MAP7: variants seen among roughly 807,000 people sequenced by gnomAD.
The protein encoded by MAP7 is ensconsin.
Under a neutral mutation model 94.8 loss-of-function variants are expected in MAP7, and 52 were observed. That is an observed-to-expected ratio of 0.55 (90% confidence interval 0.44 to 0.69). The LOEUF is 0.69. MAP7 is among the 30% of genes least tolerant of loss of function. The pLI is 0.00. For synonymous variants in MAP7, 350 were observed against 357.0 expected (o/e 0.98, Z 0.22); for missense variants, 940 against 964.6 (o/e 0.97, Z 0.34).
intron 3 of MAP7, among the ~76,000 whole-genome samples, chr6:136,409,584 T>C (rs756075975): frequency 6.6e-6 from 1 of 152,270 alleles, no homozygotes; most frequent in African/African-American, 2.4e-5. Flanking sequence ...CATTGCTGTA[T>C]AATGCCTGCT....
At chr6:136,402,941 AGAAAGAAAAAG>A (rs1784583357) in intron 3 of MAP7, among the ~76,000 whole-genome samples, 3 of 136,414 alleles carry the variant, frequency 2.2e-5, no homozygotes, top group Admixed American at 7.5e-5. Flanking sequence ...AAAAAAAAAA[AGAAAGAAAAAG>A]AAAAAGAAAG....
chr6:136,451,999 A>C (rs1187117855), intron 1 of MAP7, among the ~76,000 whole-genome samples: 1 of 152,212 alleles, frequency 6.6e-6, no homozygotes, highest in Non-Finnish European at 1.5e-5. Flanking sequence ...GTTCAAGACC[A>C]GCCTGGCCAA....
At chr6:136,370,034 T>C (rs1795212046) in intron 8 of MAP7, among the ~76,000 whole-genome samples, 1 of 152,192 alleles carries the variant, frequency 6.6e-6, no homozygotes, top group African/African-American at 2.4e-5. Flanking sequence ...ATATATTTAA[T>C]AAGGGGTTAC....
intron 1 of MAP7, among the ~76,000 whole-genome samples, chr6:136,462,174 A>AG (rs1162797869): frequency 6.6e-6 from 1 of 151,514 alleles, no homozygotes; most frequent in African/African-American, 2.4e-5. Flanking sequence ...TCTCTTAAAA[A>AG]AAAAAAAAAA....
chr6:136,404,822 T>C (rs745758751), intron 3 of MAP7, among the ~76,000 whole-genome samples: 21 of 152,216 alleles, frequency 1.4e-4, no homozygotes, highest in Non-Finnish European at 4.4e-5. Context: ...TAGAGTACTG[T>C]TTGTGTGCTA....
At chr6:136,406,567 C>A (rs921949933) in intron 3 of MAP7, among the ~76,000 whole-genome samples, 4 of 152,082 alleles carry the variant, frequency 2.6e-5, no homozygotes, top group African/African-American at 7.2e-5. Flanking sequence ...ACGTCTGTAA[C>A]CCCAGGACTT....
At chr6:136,549,638 ATCC>A (rs1829983312) in intron 1 of MAP7, among the ~76,000 whole-genome samples, 1 of 152,136 alleles carries the variant, frequency 6.6e-6, no homozygotes, top group Admixed American at 6.5e-5. Context: ...AGAGCCAACA[ATCC>A]TCCTTTGGGC....
intron 1 of MAP7, among the ~76,000 whole-genome samples, chr6:136,444,486 C>G (rs1186541853): frequency 6.6e-6 from 1 of 152,190 alleles, no homozygotes; most frequent in African/African-American, 2.4e-5. Flanking sequence ...TATACAAACT[C>G]AACACAAGGC....
At chr6:136,393,978 A>AATTTTTTTTTTTTTTTTTTTTTTT (rs1554242697) in intron 3 of MAP7, among the ~76,000 whole-genome samples, 1 of 36,204 alleles carries the variant, frequency 2.8e-5, no homozygotes. Flanking sequence ...CAGCAAAGGT[A>AATTTTTTTTTTTTTTTTTTTTTTT]TTTTTTTTTT....
chr6:136,451,561 T>C (rs542371887), intron 1 of MAP7, among the ~76,000 whole-genome samples: 1 of 152,158 alleles, frequency 6.6e-6, no homozygotes, highest in Non-Finnish European at 1.5e-5. Flanking sequence ...CTGCAGACCA[T>C]GGATAAAGAA....
rs553255627 is a variant in MAP7, at chr6:136,361,237, A to C, written c.1527-58T>G. On this transcript the variant is annotated intron_variant, in intron 11 of 17. Transcript: ENST00000354570. The stretch of plus-strand genomic sequence containing the variant: ...GACACCTGAGGAGAAATCTTTGAAG[A>C]GAGGCCTCCGTCGGTGGTTCTGTAG... The C allele has an allele frequency of 2.5e-5, 40 of 1,578,720 alleles. No homozygotes were observed. The South Asian group carries it at 2.8e-4, about 11-fold the overall frequency.
chr6:136,377,694 C>G, intron 7 of MAP7, 61 bp downstream of exon 7: 1 of 1,255,272 alleles, frequency 8.0e-7, no homozygotes, highest in Middle Eastern at 1.9e-4. Context: ...TGTGATTAGA[C>G]GAATATGCTT....
At chr6:136,522,412 C>G (rs1020696616) in intron 1 of MAP7, among the ~76,000 whole-genome samples, 1 of 152,052 alleles carries the variant, frequency 6.6e-6, no homozygotes, top group Non-Finnish European at 1.5e-5. Flanking sequence ...ATGAAGCCAC[C>G]ATAGAAGGCC....
At chr6:136,371,944 A>G (rs1774634966) in intron 8 of MAP7, among the ~76,000 whole-genome samples, 2 of 152,264 alleles carry the variant, frequency 1.3e-5, no homozygotes, top group South Asian at 4.1e-4. Flanking sequence ...ACAGCCTTTT[A>G]CGAATTAGTG....
chr6:136,378,838 C>T (rs1046760918), intron 6 of MAP7, among the ~76,000 whole-genome samples: 5 of 152,178 alleles, frequency 3.3e-5, no homozygotes, highest in African/African-American at 1.2e-4. Context: ...ACAAATATCA[C>T]TGAAGTGATT....
intron 1 of MAP7, among the ~76,000 whole-genome samples, chr6:136,511,595 G>GA: frequency 6.6e-6 from 1 of 152,230 alleles, no homozygotes; most frequent in Non-Finnish European, 1.5e-5. Context: ...GAACTAGAGG[G>GA]AATGTGGCTA....
intron 1 of MAP7, among the ~76,000 whole-genome samples, chr6:136,439,082 TATGGTTTGAATGTGTGTATCCGCCAAA>T (rs1797136227): frequency 2.0e-5 from 3 of 152,248 alleles, no homozygotes; most frequent in Admixed American, 6.5e-5. Flanking sequence ...TAATACCTGC[TATGGTTTGAATGTGTGTATCCGCCAAA>T]ATGGTTTGAA....
At chr6:136,395,009 T>C (rs2128686506) in intron 3 of MAP7, among the ~76,000 whole-genome samples, 1 of 135,382 alleles carries the variant, frequency 7.4e-6, no homozygotes, top group South Asian at 2.7e-4. Context: ...GATGGACACT[T>C]AGGTTACTTC....
chr6:136,411,584 T>C (rs1787468223), intron 3 of MAP7, 36 bp downstream of exon 3: 3 of 1,538,702 alleles, frequency 1.9e-6, no homozygotes, highest in South Asian at 2.4e-5. Context: ...GTGACATCCA[T>C]TCAAATCAGG....
Sources: allele counts gnomAD v4.1 joint callset (sites outside exome capture counted in the v4.1 genomes callset), GRCh38; gene constraint gnomAD v4.1.1; transcripts MANE v1.5; gene names NCBI Gene and HGNC (gene_info 2026-07-23, HGNC 2026-07-21).